The following ARHGAP32 variants were observed in gnomAD, a reference collection of about 807,000 sequenced individuals.
ARHGAP32 encodes Rho GTPase activating protein 32.
ARHGAP32 carries 51 observed loss-of-function variants against 186.5 expected under a neutral mutation model. That is an observed-to-expected ratio of 0.27 (90% CI 0.22 to 0.35). The LOEUF (loss-of-function observed/expected upper bound fraction) is 0.35. Ranked by LOEUF, ARHGAP32 falls within the 10% of genes least tolerant of loss-of-function variation. The pLI, the probability that ARHGAP32 is intolerant of heterozygous loss-of-function variation, is 1.00. For missense variants in ARHGAP32, 2,186 were observed against 2,623.5 expected (o/e 0.83, Z 3.64); for synonymous variants, 950 against 964.3 (o/e 0.99, Z 0.27).
At chr11:129,003,222 A>T (rs752526501) in intron 11 of ARHGAP32, among the ~76,000 whole-genome samples, 1 of 152,208 alleles carries the variant, frequency 6.6e-6, no homozygotes, top group Non-Finnish European at 1.5e-5. Flanking sequence ...CTATCCTTGC[A>T]TCCCTGGGAT....
chr11:129,200,336 G>C (rs1023772778), intron 1 of ARHGAP32, among the ~76,000 whole-genome samples: 3 of 152,192 alleles, frequency 2.0e-5, no homozygotes, highest in Non-Finnish European at 2.9e-5. Flanking sequence ...ATCTCATCTT[G>C]TATTGTAACT....
At chr11:129,222,770 C>T (rs1944729249) in intron 1 of ARHGAP32, among the ~76,000 whole-genome samples, 1 of 152,124 alleles carries the variant, frequency 6.6e-6, no homozygotes, top group Non-Finnish European at 1.5e-5. Context: ...TCTAATAGTG[C>T]AATACTTCTT....
At chr11:129,264,468 A>G (rs1368413735) in intron 1 of ARHGAP32, among the ~76,000 whole-genome samples, 1 of 152,190 alleles carries the variant, frequency 6.6e-6, no homozygotes, top group Non-Finnish European at 1.5e-5. Flanking sequence ...ATCAGATAAT[A>G]CATGTAAGGG....
intron 1 of ARHGAP32, among the ~76,000 whole-genome samples, chr11:129,182,920 T>C (rs1299620545): frequency 6.6e-6 from 1 of 152,080 alleles, no homozygotes; most frequent in East Asian, 1.9e-4. Context: ...AATGCTGGGA[T>C]TACAGACATG....
intron 5 of ARHGAP32, among the ~76,000 whole-genome samples, chr11:129,120,093 T>C (rs542795744): frequency 6.6e-6 from 1 of 152,150 alleles, no homozygotes; most frequent in South Asian, 2.1e-4. Context: ...GCTATTGAAA[T>C]AATCCTCCCC....
At chr11:129,166,166 T>C (rs1038467456) in intron 1 of ARHGAP32, among the ~76,000 whole-genome samples, 6 of 151,852 alleles carry the variant, frequency 4.0e-5, no homozygotes, top group Non-Finnish European at 8.8e-5. Context: ...AACTAGAAGA[T>C]AGTTTAGTAG....
rs756961279 is a variant in ARHGAP32, at chr11:128,971,144, G to T, written c.4069C>A (p.Pro1357Thr). The T allele has an allele frequency of 6.2e-7, 1 of 1,612,734 alleles. No individual in the cohort carries two copies. The highest frequency in any genetic ancestry group is 8.5e-7 in the Non-Finnish European group (1 of 1,178,908). ...NNSHKVQGVV[P>T]VPERPPEPRA... The stretch of plus-strand genomic sequence containing the variant: ...GGTTCAGGTGGCCTCTCTGGAACTG[G>T]AACTACTCCTTGAACCTATTGAAAG... The change falls in exon 23 of 23, where the codon CCA becomes ACA. Residue 1357 changes from proline (P) to threonine (T), a missense_variant. Coordinates refer to ENST00000682385, the MANE Select transcript of ARHGAP32 (RefSeq NM_001378024.1).
intron 6 of ARHGAP32, among the ~76,000 whole-genome samples, chr11:129,070,304 TG>T (rs1940829322): frequency 6.6e-6 from 1 of 152,074 alleles, no homozygotes; most frequent in Admixed American, 6.5e-5. Flanking sequence ...CTATCACTAT[TG>T]GTATTTTTCT....
intron 15 of ARHGAP32, among the ~76,000 whole-genome samples, chr11:128,984,378 A>G (rs866097797): frequency 3.9e-5 from 6 of 152,114 alleles, no homozygotes; most frequent in Admixed American, 2.6e-4. Flanking sequence ...CTGCCTCAAA[A>G]AAAAAAAGGA....
chr11:129,114,492 T>G (rs1942311153), intron 5 of ARHGAP32, among the ~76,000 whole-genome samples: 2 of 152,140 alleles, frequency 1.3e-5, no homozygotes, highest in South Asian at 4.1e-4. Context: ...CATAGGTGGC[T>G]AGCACATACA....
intron 5 of ARHGAP32, among the ~76,000 whole-genome samples, chr11:129,105,598 A>G (rs1444140611): frequency 1.3e-5 from 2 of 152,204 alleles, no homozygotes; most frequent in Admixed American, 1.3e-4. Flanking sequence ...GTCTTCACTA[A>G]AACAGTTTGG....
rs1945217879 is a variant in ARHGAP32 at position 128,966,188 on chromosome 11, C to G, written c.*2719G>C. 6.6e-6 allele frequency: 1 copy of G among 152,194 alleles called. No individual in the cohort carries two copies. The highest frequency in any genetic ancestry group is 1.5e-5 in the Non-Finnish European group (1 of 68,040). 9.4% of individuals were successfully genotyped at this position (152,194 alleles called of 1,614,324 possible). Reference sequence around the variant, plus strand: ...AAAAAGATAAAATCTGGAGGCATGGCTATGAAAATGTCAATAGGATTAAAT... The same window carrying G: ...AAAAAGATAAAATCTGGAGGCATGGGTATGAAAATGTCAATAGGATTAAAT... On this transcript the variant is annotated 3_prime_UTR_variant, in exon 23 of 23. Coordinates refer to ENST00000682385, the MANE Select transcript of ARHGAP32 (RefSeq NM_001378024.1).
chr11:129,182,677 T>C (rs1944081760), intron 1 of ARHGAP32, among the ~76,000 whole-genome samples: 1 of 151,654 alleles, frequency 6.6e-6, no homozygotes, highest in South Asian at 2.1e-4. Context: ...AGGGTCTCGC[T>C]CTATTTCCAG....
At chr11:129,034,986 C>T (rs1194509005) in intron 11 of ARHGAP32, among the ~76,000 whole-genome samples, 1 of 152,022 alleles carries the variant, frequency 6.6e-6, no homozygotes, top group Non-Finnish European at 1.5e-5. Flanking sequence ...GAACATAAAG[C>T]CTTCAAGAAA....
At chr11:129,004,176 T>C (rs1353442487) in intron 11 of ARHGAP32, among the ~76,000 whole-genome samples, 1 of 151,860 alleles carries the variant, frequency 6.6e-6, no homozygotes, top group African/African-American at 2.4e-5. Flanking sequence ...GTTTCCAAAA[T>C]TCCTTGTTAC....
chr11:129,171,475 G>A (rs893872935), intron 1 of ARHGAP32, among the ~76,000 whole-genome samples: 1 of 152,094 alleles, frequency 6.6e-6, no homozygotes, highest in Non-Finnish European at 1.5e-5. Context: ...AAGATCAGAG[G>A]GTTGTAGATG....
chr11:129,253,481 G>T (rs952496990), intron 1 of ARHGAP32, among the ~76,000 whole-genome samples: 3 of 152,136 alleles, frequency 2.0e-5, no homozygotes, highest in Non-Finnish European at 4.4e-5. Flanking sequence ...TTTGCATGGA[G>T]TGCAAAAGTC....
intron 2 of ARHGAP32, among the ~76,000 whole-genome samples, chr11:129,147,325 C>T (rs1020193334): frequency 6.6e-6 from 1 of 152,112 alleles, no homozygotes; most frequent in African/African-American, 2.4e-5. Flanking sequence ...CAGCATATGA[C>T]ATTTTAATAC....
chr11:129,187,896 T>C (rs1275363967), intron 1 of ARHGAP32, among the ~76,000 whole-genome samples: 3 of 152,094 alleles, frequency 2.0e-5, no homozygotes, highest in African/African-American at 7.2e-5. Flanking sequence ...ATGGTATTTA[T>C]GGACATACAG....
Sources: allele counts gnomAD v4.1 joint callset (sites outside exome capture counted in the v4.1 genomes callset), GRCh38; gene constraint gnomAD v4.1.1; transcripts MANE v1.5; gene names NCBI Gene and HGNC (gene_info 2026-07-23, HGNC 2026-07-21).